The following RASL11A variants were observed in gnomAD, a reference collection of about 807,000 sequenced individuals.
RASL11A encodes ras-like protein family member 11A.
In RASL11A, 14 loss-of-function variants were observed where a neutral mutation model predicts 17.1. The observed-to-expected ratio is 0.82, with a 90% CI of 0.54 to 1.28. The LOEUF is 1.28. Ranked by LOEUF, RASL11A falls within the 50% of genes most tolerant of loss-of-function variation. RASL11A has a pLI of 0.00. For missense variants in RASL11A, 283 were observed against 312.3 expected (o/e 0.91, Z 0.71); for synonymous variants, 146 against 132.5 (o/e 1.10, Z -0.70).
At position 27,271,233 on chromosome 13, in the gene RASL11A, C is replaced by G. The variant is rs1211408022; in HGVS notation, c.124+165C>G. The stretch of plus-strand genomic sequence containing the variant: ...GGTCCCGGTCCGTCCCGGCCTGCTT[C>G]CCTGGCGTTTCCTGGTGCATCTACT... On this transcript the variant is annotated intron_variant, in intron 1 of 3. Transcript: ENST00000241463. 1.9e-5 allele frequency: 27 copies of G among 1,447,430 alleles called. No homozygotes were observed. In the East Asian group the frequency reaches 6.5e-4, roughly 35 times the overall value. 89.7% of individuals were successfully genotyped at this position (1,447,430 alleles called of 1,614,324 possible). A position where few individuals can be genotyped will look rare whatever the true frequency, so the allele number is the denominator to read the frequency against.
At position 27,270,948 on chromosome 13, in the gene RASL11A, C is replaced by T. The variant is rs866994045; in HGVS notation, c.4C>T (p.Arg2Trp). The T allele has an allele frequency of 1.3e-6, 2 of 1,591,414 alleles. No homozygotes were observed. The highest frequency in any genetic ancestry group is 1.7e-6 in the Non-Finnish European group (2 of 1,169,750). Residue 2 changes from arginine (R) to tryptophan (W), a missense_variant, in exon 1 of 4, where the codon CGG becomes TGG. Arg to Trp is a moderately radical substitution (Grantham distance 101). Coordinates refer to ENST00000241463, the MANE Select transcript of RASL11A (RefSeq NM_206827.2). M[R>W]PLSMSGHFLL... is the part of the protein sequence containing the mutation. ...GCCGGACCCCGGGACGCGCTCCATG[C>T]GGCCGCTCAGCATGTCCGGGCACTT...
At chr13:27,271,808 G>T (rs1593268248) in intron 3 of RASL11A, 90 bp downstream of exon 3, 1 of 1,110,606 alleles carries the variant, frequency 9.0e-7, no homozygotes, top group East Asian at 2.4e-5. Flanking sequence ...TGGGCGCAGG[G>T]GTCTGAGCAA....
At chr13:27,273,000 C>T in intron 3 of RASL11A, 27 bp from the exon 4 acceptor site, 1 of 1,585,736 alleles carries the variant, frequency 6.3e-7, no homozygotes, top group Non-Finnish European at 8.7e-7. Context: ...GTTTCCTTGA[C>T]TGGATCTCAT....
At chr13:27,271,594 A>T (rs756445169) in intron 2 of RASL11A, 45 bp from the exon 3 acceptor site, 2 of 1,613,264 alleles carry the variant, frequency 1.2e-6, no homozygotes, top group Middle Eastern at 1.6e-4. Flanking sequence ...CTTTTTACGG[A>T]TGGGAGTTTG....
In RASL11A at chr13:27,271,548, T is replaced by C. The variant is rs1882289232; in HGVS notation, c.181+8T>C. ...ACTATGAACCGAATACAGGTGAGAA[T>C]ACTTTCACGCTCCCTGCTTTTATGC... is the stretch of plus-strand genomic sequence containing the variant. On this transcript the variant is annotated splice_region_variant and intron_variant, in intron 2 of 3. Transcript: ENST00000241463. The C allele has an allele frequency of 6.2e-7, 1 of 1,614,064 alleles. No individual in the cohort carries two copies. Among genetic ancestry groups the C allele is most frequent in the Non-Finnish European group, 8.5e-7 (1 of 1,179,876 alleles).
rs11304490 is a variant in RASL11A, at chr13:27,273,690, CTTTTTTTTTTTT to C, written c.*215_*226del. The C allele has an allele frequency of 1.5e-3, 107 of 72,516 alleles. No homozygotes were observed. The highest frequency in any genetic ancestry group is 5.1e-3 in the African/African-American group (79 of 15,370). The allele number at this position is 72,516 out of a possible 1,614,324, so 4.5% of individuals were successfully genotyped here. On this transcript the variant is annotated 3_prime_UTR_variant, in exon 4 of 4. Transcript: ENST00000241463. ...ATTTTGTTTTGTTTTATTAAAAGAACTTTTTTTTTTTTTTTTTTTTTTTTTTTTTTACTGTAA... is the reference window on the plus strand; with the variant it reads ...ATTTTGTTTTGTTTTATTAAAAGAACTTTTTTTTTTTTTTTTTTACTGTAA...
In RASL11A at chr13:27,270,897, C is replaced by T. The variant is rs1178119730; in HGVS notation, c.-48C>T. On this transcript the variant is annotated 5_prime_UTR_variant, in exon 1 of 4. Transcript: ENST00000241463. The stretch of plus-strand genomic sequence containing the variant: ...GCTGGCGAGCCGGCTCCGGGTGCGG[C>T]GAGGCCCAGCCCTCTCGGATTGCGC... 3 of 1,546,596 alleles carry T rather than the reference C, an allele frequency of 1.9e-6. No individual in the cohort carries two copies. The highest frequency in any genetic ancestry group is 2.6e-6 in the Non-Finnish European group (3 of 1,145,688).
In RASL11A at chr13:27,273,805, A is replaced by T; in HGVS notation, c.*311A>T. The T allele has an allele frequency of 4.0e-6, 1 of 249,040 alleles. No individual in the cohort carries two copies. Among genetic ancestry groups the T allele is most frequent in the Non-Finnish European group, 7.4e-6 (1 of 134,494 alleles). 15.4% of individuals were successfully genotyped at this position (249,040 alleles called of 1,614,324 possible). The stretch of plus-strand genomic sequence containing the variant: ...CTCAATGTCTTTTTATAGAAATTGT[A>T]CTTGCACCAGCGCCCAGTGCTGCTC... On this transcript the variant is annotated 3_prime_UTR_variant, in exon 4 of 4. Transcript: ENST00000241463.
In RASL11A at chr13:27,271,482, A is replaced by G; in HGVS notation, c.125-2A>G. 2 of 1,614,182 alleles carry G rather than the reference A, an allele frequency of 1.2e-6. No homozygotes were observed. Among genetic ancestry groups the G allele is most frequent in the East Asian group, 2.2e-5 (1 of 44,880 alleles). ...CGGTTGATTTTCCTATTTCCTTTTC[A>G]GCAATGATCGTGCGCTTCCTGACCA... On this transcript the variant is annotated splice_acceptor_variant, in intron 1 of 3. Coordinates refer to ENST00000241463, the MANE Select transcript of RASL11A (RefSeq NM_206827.2). LOFTEE classifies it high-confidence loss of function.
rs562395361 is a variant in RASL11A at position 27,274,538 on chromosome 13, G to A, written c.*1044G>A. On this transcript the variant is annotated 3_prime_UTR_variant, in exon 4 of 4. Transcript: ENST00000241463. Reference sequence around the variant, plus strand: ...AGATTGTCTTTCTCAGCTGCTCCAGGCTCTTTCATGTCTTCCTGCCTTGGC... The same window carrying A: ...AGATTGTCTTTCTCAGCTGCTCCAGACTCTTTCATGTCTTCCTGCCTTGGC... 6.6e-6 allele frequency among the ~76,000 whole-genome samples: 1 copy of A among 152,092 alleles called. No homozygotes were observed. Among genetic ancestry groups the A allele is most frequent in the South Asian group, 2.1e-4 (1 of 4,824 alleles).
chr13:27,271,201 C>G, intron 1 of RASL11A, 133 bp downstream of exon 1: 3 of 1,458,062 alleles, frequency 2.1e-6, no homozygotes, highest in Non-Finnish European at 2.7e-6. Context: ...TGCTTTCGCG[C>G]TGGGTGGGTC....
Position 27,273,001 on chromosome 13 carries a change from T to C in RASL11A, c.262-26T>C, listed in dbSNP as rs755333059. On this transcript the variant is annotated intron_variant, in intron 3 of 3. Coordinates refer to ENST00000241463, the MANE Select transcript of RASL11A (RefSeq NM_206827.2). Reference sequence around the variant, plus strand: ...ATCTCCCACTGAGGGTTTCCTTGACTGGATCTCATTTTGATGTTTTCTCAG... The same window carrying C: ...ATCTCCCACTGAGGGTTTCCTTGACCGGATCTCATTTTGATGTTTTCTCAG... The C allele has an allele frequency of 1.9e-6, 3 of 1,594,822 alleles. No homozygotes were observed. The African/African-American group carries it at 4.0e-5, about 21-fold the overall frequency.
chr13:27,271,082 G>C lies in RASL11A; in HGVS notation c.124+14G>C, dbSNP rs368299409. ...TGGGCAAGAGCGGTGAGTGCGGCGG[G>C]GACCCCCGGGCGGCTTCGCTCCCCG... On this transcript the variant is annotated intron_variant, in intron 1 of 3. Coordinates refer to ENST00000241463, the MANE Select transcript of RASL11A (RefSeq NM_206827.2). 1,438 of 1,553,280 alleles carry C rather than the reference G, an allele frequency of 9.3e-4. 2 individuals carry two copies. Among genetic ancestry groups the C allele is most frequent in the Non-Finnish European group, 1.2e-3 (1,348 of 1,148,608 alleles).
In RASL11A at chr13:27,274,394, T is replaced by C. The variant is rs1301667833; in HGVS notation, c.*900T>C. 6.6e-6 allele frequency among the ~76,000 whole-genome samples: 1 copy of C among 152,004 alleles called. No homozygotes were observed. The highest frequency in any genetic ancestry group is 2.4e-5 in the African/African-American group (1 of 41,378). On this transcript the variant is annotated 3_prime_UTR_variant, in exon 4 of 4. Coordinates refer to ENST00000241463, the MANE Select transcript of RASL11A (RefSeq NM_206827.2). ...TTATTTCTATAAAAAACCCAGCTGG[T>C]TTCCCCTTAGCTACTGGTTAAGATA...
At position 27,271,535 on chromosome 13, in the gene RASL11A, A is replaced by C. The variant is rs372800147; in HGVS notation, c.176A>C (p.Asn59Thr). The change falls in exon 2 of 4, where the codon AAT becomes ACT. Residue 59 changes from asparagine to threonine, a missense_variant. Coordinates refer to ENST00000241463, the MANE Select transcript of RASL11A (RefSeq NM_206827.2). ...AGATTCATTGGAGACTATGAACCGA[A>C]TACAGGTGAGAATACTTTCACGCTC... is the stretch of plus-strand genomic sequence containing the variant. ...TKRFIGDYEP[N>T]TGKLYSRLVY... 25 of 1,614,042 alleles carry C rather than the reference A, an allele frequency of 1.5e-5. No individual in the cohort carries two copies. Among genetic ancestry groups the C allele is most frequent in the Non-Finnish European group, 1.9e-5 (23 of 1,179,966 alleles).
chr13:27,272,606 T>G (rs903548537), intron 3 of RASL11A, among the ~76,000 whole-genome samples: 4 of 152,246 alleles, frequency 2.6e-5, no homozygotes, highest in African/African-American at 9.6e-5. Context: ...AGGAATTTCT[T>G]TCTGTAACAT....
In RASL11A at chr13:27,272,950, G is replaced by C. The variant is rs575269230; in HGVS notation, c.262-77G>C. On this transcript the variant is annotated intron_variant, in intron 3 of 3. Coordinates refer to ENST00000241463, the MANE Select transcript of RASL11A (RefSeq NM_206827.2). ...TTTCTTTTTCAAGTGTTTCTTCAAG[G>C]GTTGCCTTGATGTTGTTTTGAGTTT... The C allele has an allele frequency of 9.6e-6, 11 of 1,140,814 alleles. No homozygotes were observed. In the East Asian group the frequency reaches 1.4e-4, roughly 15 times the overall value. 70.7% of individuals were successfully genotyped at this position (1,140,814 alleles called of 1,614,324 possible).
chr13:27,274,391 T>C lies in RASL11A; in HGVS notation c.*897T>C, dbSNP rs1381972580. On this transcript the variant is annotated 3_prime_UTR_variant, in exon 4 of 4. Coordinates refer to ENST00000241463, the MANE Select transcript of RASL11A (RefSeq NM_206827.2). The stretch of plus-strand genomic sequence containing the variant: ...ATTTTATTTCTATAAAAAACCCAGC[T>C]GGTTTCCCCTTAGCTACTGGTTAAG... 6.6e-6 allele frequency among the ~76,000 whole-genome samples: 1 copy of C among 152,200 alleles called. No homozygotes were observed. Among genetic ancestry groups the C allele is most frequent in the Non-Finnish European group, 1.5e-5 (1 of 68,030 alleles).
At chr13:27,272,960 ATGT>A in intron 3 of RASL11A, 64 bp from the exon 4 acceptor site, 2 of 1,282,850 alleles carry the variant, frequency 1.6e-6, no homozygotes, top group Admixed American at 1.9e-5. Context: ...GGTTGCCTTG[ATGT>A]TGTTTTGAGT....
Sources: gnomAD v4.1 joint callset for allele counts (sites outside exome capture counted in the v4.1 genomes callset) on GRCh38, gnomAD v4.1.1 for gene constraint, MANE v1.5 for transcripts, NCBI Gene and HGNC (gene_info 2026-07-23, HGNC 2026-07-21) for gene names.